MAGI3: variants seen among roughly 807,000 people sequenced by gnomAD.
MAGI3 encodes membrane-associated guanylate kinase, WW and PDZ domain-containing protein 3.
A neutral mutation model predicts 121.8 loss-of-function variants in MAGI3; 43 were observed. The observed-to-expected ratio is 0.35, with a 90% CI of 0.28 to 0.46. The LOEUF is 0.46. Ranked by LOEUF, MAGI3 falls within the 20% of genes least tolerant of loss-of-function variation. The probability of loss-of-function intolerance (pLI) is 1.00; values close to 1 mark genes in which losing one functional copy is unlikely to be tolerated. For missense variants in MAGI3, 1,547 were observed against 1,797.3 expected (o/e 0.86, Z 2.52); for synonymous variants, 553 against 639.3 (o/e 0.86, Z 2.04).
intron 1 of MAGI3, chr1:113,450,799 G>A (rs1654449378): frequency 2.6e-6 from 2 of 766,044 alleles, no homozygotes; most frequent in Admixed American, 1.8e-5. Flanking sequence ...GAAAACTGCA[G>A]CTTACTTTGA....
chr1:113,515,852 A>C (rs1470128699), intron 1 of MAGI3, among the ~76,000 whole-genome samples: 1 of 152,122 alleles, frequency 6.6e-6, no homozygotes, highest in African/African-American at 2.4e-5. Flanking sequence ...CTGATTATTG[A>C]AATCATTCCA....
intron 1 of MAGI3, among the ~76,000 whole-genome samples, chr1:113,438,702 G>A (rs561204293): frequency 3.5e-4 from 53 of 152,288 alleles, no homozygotes; most frequent in Admixed American, 7.2e-4. Flanking sequence ...TAGCTCTTAC[G>A]TAAACTAATA....
At chr1:113,604,685 T>G (rs1480703951) in intron 6 of MAGI3, among the ~76,000 whole-genome samples, 2 of 150,660 alleles carry the variant, frequency 1.3e-5, no homozygotes, top group African/African-American at 4.9e-5. Flanking sequence ...GCAACTTGGA[T>G]GGAGCTGGAG....
intron 16 of MAGI3, among the ~76,000 whole-genome samples, chr1:113,665,406 G>A (rs1336617922): frequency 6.6e-6 from 1 of 151,936 alleles, no homozygotes. Flanking sequence ...GTAAGTTTGT[G>A]ATACATCCTA....
chr1:113,606,039 C>A lies in MAGI3; in HGVS notation c.1019-8562C>A, dbSNP rs571172603. On this transcript the variant is annotated intron_variant, in intron 6 of 20. Transcript: ENST00000307546. ...GGAGTGCAGTGGCGCAATCTCTGCT[C>A]ACTGCAGCCTCCTCCTCCTGGGTCC... Among the ~76,000 whole-genome samples, 428 of 152,224 alleles carry A rather than the reference C, an allele frequency of 2.8e-3. 2 individuals carry two copies. Among genetic ancestry groups the A allele is most frequent in the African/African-American group, 8.9e-3 (368 of 41,532 alleles).
At chr1:113,599,443 C>T (rs1006777878) in intron 6 of MAGI3, among the ~76,000 whole-genome samples, 11 of 152,190 alleles carry the variant, frequency 7.2e-5, no homozygotes, top group African/African-American at 2.4e-4. Context: ...CTACGAACAC[C>T]TCTACGCAAA....
At chr1:113,560,653 C>A (rs781686220) in intron 2 of MAGI3, among the ~76,000 whole-genome samples, 4 of 152,040 alleles carry the variant, frequency 2.6e-5, no homozygotes, top group Non-Finnish European at 4.4e-5. Context: ...TAAATGTCCA[C>A]ATCAAAAGGC....
chr1:113,435,700 G>C (rs1027237936), intron 1 of MAGI3, among the ~76,000 whole-genome samples: 30 of 151,992 alleles, frequency 2.0e-4, no homozygotes, highest in Non-Finnish European at 4.4e-5. Context: ...ATATGTGGAG[G>C]GATGTCTTTA....
chr1:113,614,226 A>C (rs1420038500), intron 6 of MAGI3, among the ~76,000 whole-genome samples: 1 of 152,174 alleles, frequency 6.6e-6, no homozygotes, highest in Non-Finnish European at 1.5e-5. Context: ...ACTATGTATA[A>C]TAGTAAAAAA....
At chr1:113,637,834 T>G (rs967689910) in intron 9 of MAGI3, among the ~76,000 whole-genome samples, 2 of 152,208 alleles carry the variant, frequency 1.3e-5, no homozygotes, top group African/African-American at 2.4e-5. Flanking sequence ...TTTTCCAACT[T>G]GGTTCCATTC....
chr1:113,404,608 CTA>C (rs954383532), intron 1 of MAGI3, among the ~76,000 whole-genome samples: 26 of 152,070 alleles, frequency 1.7e-4, no homozygotes, highest in African/African-American at 6.3e-4. Flanking sequence ...TCACAGTTGA[CTA>C]TGGTGGTAGT....
intron 1 of MAGI3, among the ~76,000 whole-genome samples, chr1:113,470,445 A>G (rs1032104313): frequency 6.6e-5 from 10 of 152,188 alleles, no homozygotes; most frequent in African/African-American, 2.4e-4. Flanking sequence ...GTTACACACA[A>G]CACTTCATGC....
At chr1:113,531,926 G>A (rs1658747693) in intron 1 of MAGI3, among the ~76,000 whole-genome samples, 1 of 152,104 alleles carries the variant, frequency 6.6e-6, no homozygotes, top group Admixed American at 6.6e-5. Context: ...AGTTTCATCT[G>A]TTTTTATACA....
chr1:113,682,729 C>T, intron 20 of MAGI3, 168 bp from the exon 21 acceptor site: 2 of 982,218 alleles, frequency 2.0e-6, no homozygotes, highest in Non-Finnish European at 2.4e-6. Flanking sequence ...GATGTCTGTA[C>T]ACATCCGCCT....
At chr1:113,396,135 A>G (rs1302525969) in intron 1 of MAGI3, among the ~76,000 whole-genome samples, 1 of 152,130 alleles carries the variant, frequency 6.6e-6, no homozygotes, top group African/African-American at 2.4e-5. Flanking sequence ...TTCTCAAGTG[A>G]TAGTTTCATA....
chr1:113,675,883 A>T (rs373062803), intron 19 of MAGI3, among the ~76,000 whole-genome samples: 32 of 152,332 alleles, frequency 2.1e-4, no homozygotes, highest in African/African-American at 7.7e-4. Context: ...GAGTTTCCTC[A>T]TCTGCAAAAT....
intron 9 of MAGI3, among the ~76,000 whole-genome samples, 192 bp downstream of exon 9, chr1:113,623,186 T>C (rs1650947907): frequency 6.6e-6 from 1 of 151,970 alleles, no homozygotes; most frequent in Non-Finnish European, 1.5e-5. Context: ...TATATATTTA[T>C]GGGATACATG....
At chr1:113,574,747 C>A (rs922430904) in intron 2 of MAGI3, among the ~76,000 whole-genome samples, 1 of 152,040 alleles carries the variant, frequency 6.6e-6, no homozygotes, top group African/African-American at 2.4e-5. Flanking sequence ...TGCTAGGTTG[C>A]GGAGGTTCTC....
intron 1 of MAGI3, among the ~76,000 whole-genome samples, chr1:113,432,825 C>G (rs1557754179): frequency 6.6e-6 from 1 of 151,808 alleles, no homozygotes. Context: ...GAATTTCTAC[C>G]ATATCAATAA....
Sources: allele counts gnomAD v4.1 joint callset (sites outside exome capture counted in the v4.1 genomes callset), GRCh38; gene constraint gnomAD v4.1.1; transcripts MANE v1.5; gene names NCBI Gene and HGNC (gene_info 2026-07-23, HGNC 2026-07-21).